GPD2: variants seen among roughly 807,000 people sequenced by gnomAD.
The protein encoded by GPD2 is glycerol-3-phosphate dehydrogenase, mitochondrial.
GPD2 carries 54 observed loss-of-function variants against 82.4 expected under a neutral mutation model. The ratio of observed to expected loss-of-function variants is 0.66; its 90% CI spans 0.53 to 0.82. GPD2 has a LOEUF of 0.82. Ranked by LOEUF, GPD2 falls within the 40% of genes least tolerant of loss-of-function variation. The pLI, the probability that GPD2 is intolerant of heterozygous loss-of-function variation, is 0.00. For missense variants in GPD2, 748 were observed against 896.2 expected, an observed-to-expected ratio of 0.83 and a Z score of 2.11; for synonymous variants, 288 against 306.1, an observed-to-expected ratio of 0.94 and a Z score of 0.62.
At chr2:156,460,344 A>G (rs1200272551) in intron 1 of GPD2, among the ~76,000 whole-genome samples, 3 of 152,222 alleles carry the variant, frequency 2.0e-5, no homozygotes, top group Non-Finnish European at 4.4e-5. Flanking sequence ...TGTGATGCCA[A>G]CACTTCAGGC....
At chr2:156,548,859 T>C (rs1358550040) in intron 6 of GPD2, among the ~76,000 whole-genome samples, 1 of 152,134 alleles carries the variant, frequency 6.6e-6, no homozygotes, top group Non-Finnish European at 1.5e-5. Context: ...TTAACTCCAC[T>C]GGCAATAATA....
chr2:156,483,987 C>CTTTTTTTTTTTTTTTTTTTTT (rs10610989), intron 2 of GPD2, among the ~76,000 whole-genome samples: 3 of 92,294 alleles, frequency 3.3e-5, no homozygotes, highest in Admixed American at 1.1e-4. Flanking sequence ...TGCTTGCTTG[C>CTTTTTTTTTTTTTTTTTTTTT]TTTTTTTTTT....
intron 2 of GPD2, 59 bp from the exon 3 acceptor site, chr2:156,495,985 A>G (rs1315345545): frequency 1.5e-6 from 2 of 1,308,346 alleles, no homozygotes; most frequent in Admixed American, 1.7e-5. Context: ...AGTATATTGT[A>G]AAATTTGTTA....
At chr2:156,455,944 T>TA (rs1682775603) in intron 1 of GPD2, among the ~76,000 whole-genome samples, 1 of 152,192 alleles carries the variant, frequency 6.6e-6, no homozygotes, top group Admixed American at 6.5e-5. Context: ...AAATTATATA[T>TA]TTTTTGCTTC....
chr2:156,481,524 T>G (rs569012246), intron 2 of GPD2, among the ~76,000 whole-genome samples: 1 of 152,320 alleles, frequency 6.6e-6, no homozygotes, highest in East Asian at 1.9e-4. Context: ...CTCAATTTAT[T>G]TTAGCTCCTA....
chr2:156,478,409 AT>A (rs1319359833), intron 2 of GPD2, among the ~76,000 whole-genome samples: 1 of 152,138 alleles, frequency 6.6e-6, no homozygotes, highest in East Asian at 1.9e-4. Flanking sequence ...AACTATGTGC[AT>A]TTCTTTTCTG....
intron 2 of GPD2, among the ~76,000 whole-genome samples, chr2:156,482,616 GCAA>G (rs1683772461): frequency 6.6e-6 from 1 of 152,116 alleles, no homozygotes; most frequent in Non-Finnish European, 1.5e-5. Context: ...GAAATGGAAT[GCAA>G]TTAAACTAAT....
intron 1 of GPD2, among the ~76,000 whole-genome samples, chr2:156,465,257 G>C (rs1683110833): frequency 9.0e-6 from 1 of 110,796 alleles, no homozygotes; most frequent in African/African-American, 3.4e-5. Context: ...GGGAAGGCTT[G>C]ATATGTTTTA....
the GPD2 span, among the ~76,000 whole-genome samples, chr2:156,401,456 T>C: frequency 2.6e-5 from 4 of 152,260 alleles, no homozygotes; most frequent in African/African-American, 9.6e-5. Context: ...GATTTTGTCA[T>C]GTATGCACAG....
chr2:156,546,971 G>A (rs997922917), intron 6 of GPD2, among the ~76,000 whole-genome samples: 6 of 152,120 alleles, frequency 3.9e-5, no homozygotes, highest in Non-Finnish European at 8.8e-5. Flanking sequence ...AATTGGAAAC[G>A]TATTCTGTAC....
chr2:156,408,201 C>T, the GPD2 span, among the ~76,000 whole-genome samples: 2 of 151,976 alleles, frequency 1.3e-5, no homozygotes, highest in African/African-American at 4.8e-5. Flanking sequence ...GTAATCTGCC[C>T]ACCTTGGCCT....
At chr2:156,554,186 T>C (rs1199726493) in intron 8 of GPD2, among the ~76,000 whole-genome samples, 1 of 152,202 alleles carries the variant, frequency 6.6e-6, no homozygotes, top group East Asian at 1.9e-4. Flanking sequence ...AGTCATTCTC[T>C]TGGGTGATAT....
chr2:156,523,683 T>G (rs1161872445), intron 6 of GPD2, among the ~76,000 whole-genome samples: 2 of 145,326 alleles, frequency 1.4e-5, no homozygotes, highest in Non-Finnish European at 3.0e-5. Context: ...GATAGATAGA[T>G]AGATAGATAG....
chr2:156,418,043 C>T, the GPD2 span, among the ~76,000 whole-genome samples: 1 of 151,366 alleles, frequency 6.6e-6, no homozygotes, highest in Non-Finnish European at 1.5e-5. Flanking sequence ...GGTGAAACCC[C>T]ATCTCTACTA....
At chr2:156,519,046 C>T (rs961925333) in intron 6 of GPD2, among the ~76,000 whole-genome samples, 1 of 152,146 alleles carries the variant, frequency 6.6e-6, no homozygotes, top group Non-Finnish European at 1.5e-5. Flanking sequence ...AGAACTTCTA[C>T]TTCGATATGT....
intron 8 of GPD2, among the ~76,000 whole-genome samples, chr2:156,554,688 C>G (rs2105341742): frequency 6.6e-6 from 1 of 152,242 alleles, no homozygotes; most frequent in Admixed American, 6.5e-5. Context: ...TGGGTAGATG[C>G]TCTTCCAAAA....
intron 1 of GPD2, among the ~76,000 whole-genome samples, chr2:156,447,187 C>G (rs917879251): frequency 1.3e-5 from 2 of 152,142 alleles, no homozygotes; most frequent in Non-Finnish European, 2.9e-5. Flanking sequence ...CACCTGTGCC[C>G]CATTCTGCCC....
At chr2:156,530,600 G>A (rs1361490296) in intron 6 of GPD2, among the ~76,000 whole-genome samples, 7 of 151,512 alleles carry the variant, frequency 4.6e-5, no homozygotes, top group African/African-American at 1.7e-4. Context: ...TTTGAAATAC[G>A]TTCCATCAAT....
intron 15 of GPD2, 22 bp from the exon 16 acceptor site, chr2:156,579,668 T>A: frequency 9.3e-7 from 1 of 1,080,332 alleles, no homozygotes; most frequent in Non-Finnish European, 1.4e-6. Flanking sequence ...ACTGTATTAT[T>A]CTATGCTTTT....
Sources: gnomAD v4.1 joint callset for allele counts (sites outside exome capture counted in the v4.1 genomes callset) on GRCh38, gnomAD v4.1.1 for gene constraint, MANE v1.5 for transcripts, NCBI Gene and HGNC (gene_info 2026-07-23, HGNC 2026-07-21) for gene names.